Variants in RAPGEF5 observed in about 807,000 individuals in gnomAD.
RAPGEF5 encodes the protein Rap guanine nucleotide exchange factor 5, also known as M-Ras-regulated GEF.
In RAPGEF5, 65 loss-of-function variants were observed where a neutral mutation model predicts 125.2. That is an observed-to-expected ratio of 0.52 (90% CI 0.43 to 0.64). The LOEUF is 0.64. Ranked by LOEUF, RAPGEF5 falls within the 30% of genes least tolerant of loss-of-function variation. The pLI is 0.00. For synonymous variants in RAPGEF5, 391 were observed against 385.9 expected (o/e 1.01, Z -0.16); for missense variants, 958 against 1,048.1 (o/e 0.91, Z 1.19).
chr7:22,222,020 G>C (rs1416150037), intron 8 of RAPGEF5, among the ~76,000 whole-genome samples: 2 of 152,172 alleles, frequency 1.3e-5, no homozygotes, highest in Admixed American at 6.5e-5. Context: ...GCTGAGGAGG[G>C]TGGATCACCT....
intron 2 of RAPGEF5, among the ~76,000 whole-genome samples, chr7:22,317,733 T>C (rs111883441): frequency 0.017 from 2,629 of 152,330 alleles, 71 homozygotes; most frequent in African/African-American, 0.06. Context: ...AATTCATTCA[T>C]GTAAAGAACC....
chr7:22,220,902 C>T (rs888876137), intron 8 of RAPGEF5, among the ~76,000 whole-genome samples: 2 of 152,124 alleles, frequency 1.3e-5, no homozygotes, highest in African/African-American at 4.8e-5. Flanking sequence ...TTTGAATATA[C>T]TCCATAACAT....
intron 7 of RAPGEF5, among the ~76,000 whole-genome samples, chr7:22,243,184 A>G (rs1786384111): frequency 6.6e-6 from 1 of 152,180 alleles, no homozygotes; most frequent in African/African-American, 2.4e-5. Context: ...AAAGAAAGCA[A>G]TCTCATAAGA....
chr7:22,187,043 A>C (rs1459309152), intron 11 of RAPGEF5, among the ~76,000 whole-genome samples: 1 of 152,228 alleles, frequency 6.6e-6, no homozygotes, highest in Non-Finnish European at 1.5e-5. Context: ...TGAGCCTTGG[A>C]TTCTAAGCTT....
intron 7 of RAPGEF5, among the ~76,000 whole-genome samples, chr7:22,232,639 G>T (rs1786088301): frequency 6.6e-6 from 1 of 152,118 alleles, no homozygotes; most frequent in Non-Finnish European, 1.5e-5. Flanking sequence ...TTTAAATATT[G>T]TGCTCTCTGC....
intron 1 of RAPGEF5, among the ~76,000 whole-genome samples, chr7:22,335,852 G>A (rs1466850982): frequency 3.9e-5 from 6 of 152,060 alleles, no homozygotes; most frequent in Non-Finnish European, 7.4e-5. Context: ...ATACAAACAT[G>A]CAAACGACCA....
chr7:22,143,857 C>T (rs909713953), intron 20 of RAPGEF5, among the ~76,000 whole-genome samples: 1 of 152,232 alleles, frequency 6.6e-6, no homozygotes, highest in Non-Finnish European at 1.5e-5. Context: ...TGACACACTG[C>T]ACGCCTCACA....
intron 7 of RAPGEF5, among the ~76,000 whole-genome samples, chr7:22,240,524 AC>A (rs1261287777): frequency 2.6e-5 from 4 of 151,986 alleles, no homozygotes; most frequent in African/African-American, 9.7e-5. Context: ...GGTGCCCACC[AC>A]CATGCTCGGC....
At chr7:22,151,188 T>C (rs1176704066) in intron 17 of RAPGEF5, among the ~76,000 whole-genome samples, 1 of 152,092 alleles carries the variant, frequency 6.6e-6, no homozygotes, top group African/African-American at 2.4e-5. Flanking sequence ...ATAACTGGGG[T>C]TTGGTAAATG....
intron 2 of RAPGEF5, 95 bp downstream of exon 2, chr7:22,317,892 C>A: frequency 6.7e-7 from 1 of 1,500,766 alleles, no homozygotes; most frequent in South Asian, 1.3e-5. Flanking sequence ...TCTATGTGGT[C>A]AGGAGCAAAG....
intron 1 of RAPGEF5, among the ~76,000 whole-genome samples, chr7:22,332,323 G>GT (rs1396881137): frequency 6.6e-6 from 1 of 152,140 alleles, no homozygotes; most frequent in African/African-American, 2.4e-5. Flanking sequence ...TTTCAGTAAG[G>GT]TTTTCAATGG....
intron 7 of RAPGEF5, among the ~76,000 whole-genome samples, chr7:22,242,901 C>T (rs1344383784): frequency 1.4e-5 from 2 of 144,422 alleles, no homozygotes; most frequent in Non-Finnish European, 3.0e-5. Flanking sequence ...GAGCCAAGAT[C>T]ACGCCATTGC....
chr7:22,130,968 C>G, intron 24 of RAPGEF5, 69 bp downstream of exon 24: 1 of 1,514,732 alleles, frequency 6.6e-7, no homozygotes, highest in Non-Finnish European at 8.9e-7. Flanking sequence ...TATTTATTTC[C>G]TAGAGCAGGA....
chr7:22,331,518 G>A (rs1783916512), intron 1 of RAPGEF5, among the ~76,000 whole-genome samples: 1 of 152,056 alleles, frequency 6.6e-6, no homozygotes, highest in Non-Finnish European at 1.5e-5. Context: ...GGCCGAGGCG[G>A]GCGGATCACG....
At chr7:22,179,637 G>A (rs1784613278) in intron 11 of RAPGEF5, among the ~76,000 whole-genome samples, 1 of 152,098 alleles carries the variant, frequency 6.6e-6, no homozygotes, top group South Asian at 2.1e-4. Flanking sequence ...CAAGGTACAG[G>A]TCACAAAGAT....
chr7:22,335,732 G>A (rs1179405845), intron 1 of RAPGEF5, among the ~76,000 whole-genome samples: 3 of 144,470 alleles, frequency 2.1e-5, no homozygotes, highest in South Asian at 2.2e-4. Context: ...CAACAACAAC[G>A]AAACTTCCAA....
At chr7:22,212,696 C>T (rs1042320762) in intron 9 of RAPGEF5, among the ~76,000 whole-genome samples, 1 of 152,210 alleles carries the variant, frequency 6.6e-6, no homozygotes, top group Non-Finnish European at 1.5e-5. Context: ...CCAAATAACA[C>T]CAGCCTGACA....
chr7:22,259,187 G>A (rs929432310), intron 7 of RAPGEF5, among the ~76,000 whole-genome samples: 1 of 152,024 alleles, frequency 6.6e-6, no homozygotes, highest in Middle Eastern at 3.2e-3. Context: ...TAAAAAATGA[G>A]CAAAAGACCT....
At chr7:22,312,497 C>T (rs1431271106) in intron 3 of RAPGEF5, among the ~76,000 whole-genome samples, 2 of 152,136 alleles carry the variant, frequency 1.3e-5, no homozygotes, top group Non-Finnish European at 2.9e-5. Context: ...GCATGAGCCA[C>T]CACGCCTGGC....
Sources: allele counts gnomAD v4.1 joint callset (sites outside exome capture counted in the v4.1 genomes callset), GRCh38; gene constraint gnomAD v4.1.1; transcripts MANE v1.5; gene names NCBI Gene and HGNC (gene_info 2026-07-23, HGNC 2026-07-21).